EHMT1: variants seen among roughly 807,000 people sequenced by gnomAD.
EHMT1 encodes histone-lysine N-methyltransferase EHMT1.
In EHMT1, 15 loss-of-function variants were observed where a neutral mutation model predicts 147.2. The ratio of observed to expected loss-of-function variants is 0.10; its 90% CI spans 0.07 to 0.16. EHMT1 has a LOEUF of 0.16. Among genes scored for constraint, EHMT1 ranks in the 10% least tolerant of loss-of-function variants. The probability of loss-of-function intolerance (pLI) is 1.00; values close to 1 mark genes in which losing one functional copy is unlikely to be tolerated. For synonymous variants in EHMT1, 795 were observed against 709.6 expected (o/e 1.12, Z -1.91); for missense variants, 1,587 against 1,772.4 (o/e 0.90, Z 1.88).
At position 137,782,251 on chromosome 9, in the gene EHMT1, C is replaced by G. The variant is rs1271383843; in HGVS notation, c.2276-40C>G. 16 of 1,556,710 alleles carry G rather than the reference C, an allele frequency of 1.0e-5. No homozygotes were observed. Among genetic ancestry groups the G allele is most frequent in the Non-Finnish European group, 1.4e-5 (16 of 1,136,450 alleles). On this transcript the variant is annotated intron_variant, in intron 14 of 26. Transcript: ENST00000460843. The surrounding 1 kb of genome is among the most constrained non-coding windows in gnomAD (Gnocchi z 5.7). The stretch of plus-strand genomic sequence containing the variant: ...GACAGTCCTGAGCTGGAGTCTGTGG[C>G]TACATCTGAAATCATTAATAAAACT...
At chr9:137,724,884 ATTCGTGGGACAGATGT>A (rs1389212078) in intron 3 of EHMT1, among the ~76,000 whole-genome samples, 20 of 146,610 alleles carry the variant, frequency 1.4e-4, no homozygotes, top group African/African-American at 5.0e-4. Flanking sequence ...GACGTGTGGC[ATTCGTGGGACAGATGT>A]GGCATTCGTT....
intron 3 of EHMT1, among the ~76,000 whole-genome samples, chr9:137,721,139 C>T (rs1945925138): frequency 6.7e-6 from 1 of 149,960 alleles, no homozygotes; most frequent in Non-Finnish European, 1.5e-5. Flanking sequence ...CTCTCCCAGA[C>T]TTCTCACACT....
chr9:137,724,865 C>T (rs911959815), intron 3 of EHMT1, among the ~76,000 whole-genome samples: 6 of 149,384 alleles, frequency 4.0e-5, no homozygotes, highest in East Asian at 2.0e-4. Context: ...GTGTGGCATT[C>T]GTGGGGCAGA....
intron 1 of EHMT1, among the ~76,000 whole-genome samples, chr9:137,674,261 C>T (rs1941004901): frequency 6.6e-6 from 1 of 152,186 alleles, no homozygotes; most frequent in Non-Finnish European, 1.5e-5. Flanking sequence ...TCCTGAAGGC[C>T]AACCTCTCCA....
Position 137,671,518 on chromosome 9 carries a change from T to C in EHMT1, c.22-39449T>C, listed in dbSNP as rs548816631. On this transcript the variant is annotated intron_variant, in intron 1 of 26. Transcript: ENST00000460843. ...GACCCGAAGAGTTGGATCCTTTTCT[T>C]TCTTTTTTTTTTTTTTTTTTTTTCG... Among the ~76,000 whole-genome samples the C allele has an allele frequency of 2.0e-4, 30 of 146,576 alleles. No individual in the cohort carries two copies. In the East Asian group the frequency reaches 3.5e-3, roughly 17 times the overall value.
intron 3 of EHMT1, among the ~76,000 whole-genome samples, chr9:137,720,655 A>C (rs909841539): frequency 3.9e-5 from 6 of 152,138 alleles, no homozygotes; most frequent in Admixed American, 3.3e-4. Flanking sequence ...TTTTGAGAGT[A>C]GCTTTTGTCA....
At chr9:137,672,755 T>C (rs550519791) in intron 1 of EHMT1, among the ~76,000 whole-genome samples, 2 of 152,372 alleles carry the variant, frequency 1.3e-5, no homozygotes, top group African/African-American at 4.8e-5. Flanking sequence ...GTTTAATGTC[T>C]TTTTATCAAC....
chr9:137,835,013 A>C lies in EHMT1; in HGVS notation c.*60A>C, dbSNP rs1956504139. 7.4e-7 allele frequency: 1 copy of C among 1,356,108 alleles called. No homozygotes were observed. Among genetic ancestry groups the C allele is most frequent in the Non-Finnish European group, 9.4e-7 (1 of 1,060,540 alleles). 84.0% of individuals were successfully genotyped at this position (1,356,108 alleles called of 1,614,324 possible). A position where few individuals can be genotyped will look rare whatever the true frequency, so the allele number is the denominator to read the frequency against. The stretch of plus-strand genomic sequence containing the variant: ...GGACCGCCGCGTCGCCGATTAGAGG[A>C]CGAGGAGGAGAGATTCCGCACGCAA... On this transcript the variant is annotated 3_prime_UTR_variant, in exon 27 of 27. Coordinates refer to ENST00000460843, the MANE Select transcript of EHMT1 (RefSeq NM_024757.5).
At chr9:137,734,546 G>A (rs1007922318) in intron 4 of EHMT1, among the ~76,000 whole-genome samples, 1 of 152,206 alleles carries the variant, frequency 6.6e-6, no homozygotes, top group Non-Finnish European at 1.5e-5. Flanking sequence ...GAAGAAGAGA[G>A]TAAGAAAAGG....
chr9:137,672,401 CACTA>C (rs1940778723), intron 1 of EHMT1, among the ~76,000 whole-genome samples: 1 of 152,116 alleles, frequency 6.6e-6, no homozygotes, highest in South Asian at 2.1e-4. Flanking sequence ...GACATAGTAA[CACTA>C]ACTCGGTGGC....
Position 137,731,502 on chromosome 9 carries a change from G to A in EHMT1, c.823+2973G>A, listed in dbSNP as rs538981131. 1.3e-5 allele frequency among the ~76,000 whole-genome samples: 2 copies of A among 152,254 alleles called. No homozygotes were observed. Among genetic ancestry groups the A allele is most frequent in the East Asian group, 1.9e-4 (1 of 5,178 alleles). On this transcript the variant is annotated intron_variant, in intron 4 of 26. Transcript: ENST00000460843. This position sits in a 1 kb window ranked among gnomAD's most constrained non-coding sequence, Gnocchi z 4.3. ...GAGGAGTCCCCTGTTAACTGTCCCC[G>A]GGGGTGCAGAGTCCACTTATCGGGA...
At chr9:137,728,225 C>T in intron 3 of EHMT1, 124 bp from the exon 4 acceptor site, 4 of 1,377,084 alleles carry the variant, frequency 2.9e-6, no homozygotes, top group South Asian at 2.4e-5. Flanking sequence ...TCTCCTCTCT[C>T]CATTGTATCT....
chr9:137,816,099 C>T, intron 23 of EHMT1, 37 bp downstream of exon 23: 1 of 1,566,838 alleles, frequency 6.4e-7, no homozygotes, highest in South Asian at 1.2e-5. Context: ...CCACATTCTG[C>T]TCGTATTAGC....
Position 137,787,734 on chromosome 9 carries a change from C to T in EHMT1, c.2383-3114C>T. The T allele has an allele frequency of 1.3e-6, 1 of 747,722 alleles. No homozygotes were observed. The highest frequency in any genetic ancestry group is 2.5e-5 in the East Asian group (1 of 40,384). The allele number at this position is 747,722 out of a possible 1,614,324, so 46.3% of individuals were successfully genotyped here. ...CCAGGTCCCCAGGGTGCCACCGAAA[C>T]ATCGTAGATGCTTTTGTTGGGTGAC... On this transcript the variant is annotated intron_variant, in intron 15 of 26. Transcript: ENST00000460843. This position sits in a 1 kb window ranked among gnomAD's most constrained non-coding sequence, Gnocchi z 4.2.
At chr9:137,653,553 A>G (rs781183114) in intron 1 of EHMT1, among the ~76,000 whole-genome samples, 2 of 151,662 alleles carry the variant, frequency 1.3e-5, no homozygotes, top group Non-Finnish European at 2.9e-5. Context: ...TTTGAGACAG[A>G]GTTTTGCTCT....
At chr9:137,730,925 G>A (rs182375505) in intron 4 of EHMT1, among the ~76,000 whole-genome samples, 4 of 152,244 alleles carry the variant, frequency 2.6e-5, no homozygotes, top group African/African-American at 7.2e-5. Context: ...GCTATTTGAC[G>A]TAATTTTATT....
chr9:137,656,248 C>T (rs562694683), intron 1 of EHMT1, among the ~76,000 whole-genome samples: 10 of 152,080 alleles, frequency 6.6e-5, no homozygotes, highest in East Asian at 3.9e-4. Context: ...GGCATGGCAG[C>T]GTGCGCGTGT....
Position 137,816,010 on chromosome 9 carries a change from G to A in EHMT1, c.3322G>A (p.Ala1108Thr), listed in dbSNP as rs199780189. 60 of 1,613,120 alleles carry A rather than the reference G, an allele frequency of 3.7e-5. No individual in the cohort carries two copies. The highest frequency in any genetic ancestry group is 4.7e-5 in the Non-Finnish European group (55 of 1,179,558). The change falls in exon 23 of 27, where the codon GCG (alanine) becomes ACG (threonine). Residue 1108 changes from alanine (A) to threonine (T), a missense_variant. Ala to Thr is a moderately conservative substitution (Grantham distance 58). This residue lies in a region of EHMT1 where 156 missense variants were observed against 252.5 expected (regional missense o/e 0.62). Transcript: ENST00000460843. ...EPPLIFECNH[A>T]CSCWRNCRNR... ...TCCCTTGATCTTCGAATGCAACCAC[G>A]CGTGCTCCTGCTGGAGGAACTGCCG...
intron 16 of EHMT1, among the ~76,000 whole-genome samples, chr9:137,796,621 G>A (rs920576919): frequency 6.7e-6 from 1 of 150,322 alleles, no homozygotes; most frequent in Non-Finnish European, 1.5e-5. Context: ...GGAGAATGAC[G>A]TGAACCTGGG....
Sources: gnomAD v4.1 joint callset for allele counts (sites outside exome capture counted in the v4.1 genomes callset) on GRCh38, gnomAD v4.1.1 for gene constraint, gnomAD v4.1.1 regional missense constraint, Gnocchi (gnomAD v3.1) non-coding constraint, MANE v1.5 for transcripts, NCBI Gene and HGNC (gene_info 2026-07-23, HGNC 2026-07-21) for gene names.